PTPRO: variants seen among roughly 807,000 people sequenced by gnomAD.
PTPRO encodes the protein receptor-type tyrosine-protein phosphatase O.
PTPRO carries 62 observed loss-of-function variants against 145.2 expected under a neutral mutation model. The observed-to-expected ratio is 0.43, with a 90% CI of 0.35 to 0.53. The LOEUF (loss-of-function observed/expected upper bound fraction) is 0.53. Ranked by LOEUF, PTPRO falls within the 20% of genes least tolerant of loss-of-function variation. PTPRO has a pLI of 0.01. For synonymous variants in PTPRO, 565 were observed against 514.7 expected (o/e 1.10, Z -1.32); for missense variants, 1,345 against 1,482.7 (o/e 0.91, Z 1.53).
chr12:15,519,097 C>T (rs1379102828), intron 9 of PTPRO, among the ~76,000 whole-genome samples: 1 of 152,222 alleles, frequency 6.6e-6, no homozygotes, highest in African/African-American at 2.4e-5. Flanking sequence ...ATTGGGCTTA[C>T]AGTTCCACGT....
rs768067813 is a variant in PTPRO at position 15,520,243 on chromosome 12, G to C, written c.1822G>C (p.Val608Leu). Residue 608 changes from valine (V) to leucine (L), a missense_variant, in exon 10 of 27, where the codon GTT becomes CTT. Transcript: ENST00000281171. ...LLPAWYYNFR[V>L]TMVTWGDPEL... Reference sequence around the variant, plus strand: ...GCCAGCATGGTACTACAACTTCCGGGTTACCATGGTGACGTGGGGAGATCC... The same window carrying C: ...GCCAGCATGGTACTACAACTTCCGGCTTACCATGGTGACGTGGGGAGATCC... 3 of 1,613,718 alleles carry C rather than the reference G, an allele frequency of 1.9e-6. No individual in the cohort carries two copies. The highest frequency in any genetic ancestry group is 2.5e-6 in the Non-Finnish European group (3 of 1,179,870).
chr12:15,475,940 GAC>G (rs1417358576), intron 1 of PTPRO, among the ~76,000 whole-genome samples: 2 of 152,190 alleles, frequency 1.3e-5, no homozygotes, highest in African/African-American at 4.8e-5. Context: ...ATCCAATGAG[GAC>G]ATCTCAGCTG....
At chr12:15,381,430 A>G (rs1938858966) in intron 1 of PTPRO, among the ~76,000 whole-genome samples, 1 of 152,162 alleles carries the variant, frequency 6.6e-6, no homozygotes, top group African/African-American at 2.4e-5. Context: ...CTAGTACAGC[A>G]GTGATAAAGC....
chr12:15,439,626 TG>T (rs1806723358), intron 1 of PTPRO: 1 of 309,720 alleles, frequency 3.2e-6, no homozygotes, highest in African/African-American at 2.2e-5. Flanking sequence ...CAGTGGCATC[TG>T]GGCTGTGGTC....
chr12:15,360,631 G>A (rs953988977), intron 1 of PTPRO, among the ~76,000 whole-genome samples: 4 of 144,650 alleles, frequency 2.8e-5, no homozygotes, highest in Admixed American at 1.4e-4. Flanking sequence ...ATATATATAT[G>A]TGTGTGTGTA....
rs150243333 is a variant in PTPRO at position 15,517,316 on chromosome 12, C to T, written c.1779+360C>T. ...TGAGACTTATTCACTATCACAAGAA[C>T]GGCATGGGAGAGACCTGCCCCCAGG... On this transcript the variant is annotated intron_variant, in intron 9 of 26. Coordinates refer to ENST00000281171, the MANE Select transcript of PTPRO (RefSeq NM_030667.3). 5.8e-3 allele frequency among the ~76,000 whole-genome samples: 886 copies of T among 152,210 alleles called. 8 individuals are homozygous for T. The highest frequency in any genetic ancestry group is 0.02 in the African/African-American group (833 of 41,544).
chr12:15,394,741 G>A (rs1346991995), intron 1 of PTPRO, among the ~76,000 whole-genome samples: 1 of 152,170 alleles, frequency 6.6e-6, no homozygotes, highest in Non-Finnish European at 1.5e-5. Flanking sequence ...AATGGCTGCT[G>A]CTTCATAATC....
intron 23 of PTPRO, among the ~76,000 whole-genome samples, chr12:15,586,113 C>T (rs1944424728): frequency 6.6e-6 from 1 of 152,126 alleles, no homozygotes; most frequent in South Asian, 2.1e-4. Flanking sequence ...TATCATTAGG[C>T]CATTTTTAGA....
At chr12:15,511,171 G>T (rs923806578) in intron 7 of PTPRO, among the ~76,000 whole-genome samples, 1 of 152,206 alleles carries the variant, frequency 6.6e-6, no homozygotes, top group East Asian at 1.9e-4. Context: ...AGACAGTCAG[G>T]AAAAATATTG....
At chr12:15,464,848 G>A (rs1941383353) in intron 1 of PTPRO, among the ~76,000 whole-genome samples, 1 of 152,042 alleles carries the variant, frequency 6.6e-6, no homozygotes. Flanking sequence ...AAACATTTCT[G>A]TAAAGAATTC....
At chr12:15,534,934 C>T (rs913057912) in intron 12 of PTPRO, among the ~76,000 whole-genome samples, 3 of 152,050 alleles carry the variant, frequency 2.0e-5, no homozygotes, top group Non-Finnish European at 4.4e-5. Flanking sequence ...ACTTTGACTA[C>T]GGTGGTTGTA....
intron 1 of PTPRO, among the ~76,000 whole-genome samples, chr12:15,383,747 G>T (rs1938936073): frequency 6.6e-6 from 1 of 152,116 alleles, no homozygotes; most frequent in African/African-American, 2.4e-5. Flanking sequence ...AAGATTTTCC[G>T]AGTGGCAATT....
At chr12:15,420,033 G>T (rs1400187508) in intron 1 of PTPRO, among the ~76,000 whole-genome samples, 1 of 150,960 alleles carries the variant, frequency 6.6e-6, no homozygotes, top group Non-Finnish European at 1.5e-5. Flanking sequence ...CATAGTCCCA[G>T]CTACTCGGGA....
intron 12 of PTPRO, among the ~76,000 whole-genome samples, chr12:15,543,587 G>A (rs10846200): frequency 0.3 from 45,197 of 151,984 alleles, 6,744 homozygotes; most frequent in Middle Eastern, 0.42. Flanking sequence ...TAAATCAGCC[G>A]ATAAATAAGA....
At chr12:15,400,904 G>A (rs1311742518) in intron 1 of PTPRO, among the ~76,000 whole-genome samples, 10 of 152,154 alleles carry the variant, frequency 6.6e-5, no homozygotes, top group South Asian at 2.1e-4. Flanking sequence ...CACCTAGCAC[G>A]AATTGTTGCT....
rs551302695 is a variant in PTPRO, at chr12:15,501,863, G to C, written c.905G>C (p.Ser302Thr). Residue 302 changes from serine (S) to threonine (T), a missense_variant, in exon 5 of 27, where the codon AGT (serine) becomes ACT (threonine). Coordinates refer to ENST00000281171, the MANE Select transcript of PTPRO (RefSeq NM_030667.3). Reference sequence around the variant, plus strand: ...ACGTCTCAGCCATATTGGTGGGACAGTGCATCTGCAGCTCCTGAAAGTGAA... The same window carrying C: ...ACGTCTCAGCCATATTGGTGGGACACTGCATCTGCAGCTCCTGAAAGTGAA... ...ETTSQPYWWD[S>T]ASAAPESEDE... 6.2e-7 allele frequency: 1 copy of C among 1,614,106 alleles called. No individual in the cohort carries two copies. The highest frequency in any genetic ancestry group is 1.1e-5 in the South Asian group (1 of 91,080).
intron 22 of PTPRO, among the ~76,000 whole-genome samples, chr12:15,581,323 C>T (rs1331252690): frequency 2.8e-5 from 3 of 107,682 alleles, no homozygotes; most frequent in Non-Finnish European, 3.6e-5. Context: ...TTTTTTGAGA[C>T]GGAGTCTCGT....
At chr12:15,341,703 T>C (rs1410516632) in intron 1 of PTPRO, among the ~76,000 whole-genome samples, 1 of 152,198 alleles carries the variant, frequency 6.6e-6, no homozygotes, top group Non-Finnish European at 1.5e-5. Flanking sequence ...TGAATGTGCA[T>C]ATCTTCTGAG....
chr12:15,485,507 G>A (rs1249548048), intron 2 of PTPRO, among the ~76,000 whole-genome samples: 1 of 152,096 alleles, frequency 6.6e-6, no homozygotes, highest in Non-Finnish European at 1.5e-5. Flanking sequence ...CCTAGCCCAA[G>A]CCTTATGCTT....
Sources: allele counts gnomAD v4.1 joint callset (sites outside exome capture counted in the v4.1 genomes callset), GRCh38; gene constraint gnomAD v4.1.1; transcripts MANE v1.5; gene names NCBI Gene and HGNC (gene_info 2026-07-23, HGNC 2026-07-21).